The following ZBTB32 variants were observed in gnomAD, a reference collection of about 807,000 sequenced individuals.
The protein encoded by ZBTB32 is zinc finger and BTB domain-containing protein 32.
A neutral mutation model predicts 45.3 loss-of-function variants in ZBTB32; 28 were observed. That is an observed-to-expected ratio of 0.62 (90% CI 0.46 to 0.85). The LOEUF (loss-of-function observed/expected upper bound fraction) is 0.85, where lower values mean the gene tolerates loss of function less well. Among genes scored for constraint, ZBTB32 ranks in the 40% least tolerant of loss-of-function variants. ZBTB32 has a pLI of 0.00. For synonymous variants in ZBTB32, 283 were observed against 255.7 expected, an observed-to-expected ratio of 1.11 and a Z score of -1.02; for missense variants, 587 against 624.4, an observed-to-expected ratio of 0.94 and a Z score of 0.64.
chr19:35,716,056 T>C, intron 5 of ZBTB32, 49 bp downstream of exon 5: 2 of 1,611,360 alleles, frequency 1.2e-6, no homozygotes, highest in Middle Eastern at 1.7e-4. Flanking sequence ...TAGCCCTTGA[T>C]TTCCTGCCTG....
chr19:35,715,112 G>A lies in ZBTB32; in HGVS notation c.486G>A (p.Gln162=), dbSNP rs1968822738. The change falls in exon 3 of 7, where the codon CAG becomes CAA. Residue 162 remains glutamine, a synonymous_variant. Transcript: ENST00000392197. ...EQVSRTGGRE[Q]EMLHKHSPPR... ...TTTCTAGAACTGGTGGGAGAGAACA[G>A]GAGATGTTGCACAAGCACTCGCCAC... is the stretch of plus-strand genomic sequence containing the variant. 2 of 1,614,082 alleles carry A rather than the reference G, an allele frequency of 1.2e-6. No homozygotes were observed. Among genetic ancestry groups the A allele is most frequent in the Admixed American group, 1.7e-5 (1 of 60,022 alleles).
intron 1 of ZBTB32, among the ~76,000 whole-genome samples, chr19:35,705,219 G>A (rs905379589): frequency 6.6e-6 from 1 of 152,158 alleles, no homozygotes; most frequent in African/African-American, 2.4e-5. Context: ...TGAGGCAGGA[G>A]AATCGCTTGA....
In ZBTB32 at chr19:35,715,486, A is replaced by G; in HGVS notation, c.860A>G (p.Gln287Arg). The change falls in exon 3 of 7, where the codon CAG becomes CGG. Residue 287 changes from glutamine to arginine, a missense_variant. By Grantham distance (43) the Gln-to-Arg change is conservative. Coordinates refer to ENST00000392197, the MANE Select transcript of ZBTB32 (RefSeq NM_014383.3). ...YHSTPTTGAW[Q>R]EVWREQRIPL... The stretch of plus-strand genomic sequence containing the variant: ...AGCACCCCCACCACTGGAGCCTGGC[A>G]GGAGGTCTGGCGGGAACAGAGGTGA... 1 of 1,551,838 alleles carries G rather than the reference A, an allele frequency of 6.4e-7. No homozygotes were observed.
chr19:35,705,391 G>A (rs770254283), intron 1 of ZBTB32, among the ~76,000 whole-genome samples: 1 of 152,156 alleles, frequency 6.6e-6, no homozygotes, highest in Non-Finnish European at 1.5e-5. Flanking sequence ...GTGTGCACAT[G>A]AAGGTTTCCT....
intron 1 of ZBTB32, among the ~76,000 whole-genome samples, chr19:35,708,884 T>C (rs996705499): frequency 6.6e-6 from 1 of 151,790 alleles, no homozygotes; most frequent in Non-Finnish European, 1.5e-5. Context: ...AATGGCGCGA[T>C]CTCGGCTCAC....
rs923316190 is a variant in ZBTB32, at chr19:35,716,893, T to G, written c.*141T>G. 35 of 968,842 alleles carry G rather than the reference T, an allele frequency of 3.6e-5. No homozygotes were observed. In the East Asian group the frequency reaches 9.1e-4, roughly 25 times the overall value. 60.0% of individuals were successfully genotyped at this position (968,842 alleles called of 1,614,324 possible). ...GCCCCAGGAAGGGCGCCGAGTGCCC[T>G]CTCCTGGACGATCGCGGGTCGCAGA... On this transcript the variant is annotated 3_prime_UTR_variant, in exon 7 of 7. Transcript: ENST00000392197.
chr19:35,706,724 A>C (rs1968553980), intron 1 of ZBTB32, among the ~76,000 whole-genome samples: 1 of 152,056 alleles, frequency 6.6e-6, no homozygotes, highest in Non-Finnish European at 1.5e-5. Flanking sequence ...CTGTCTCAAA[A>C]ATAAATAAGT....
chr19:35,712,307 T>A (rs758368326), intron 1 of ZBTB32, among the ~76,000 whole-genome samples: 3 of 151,798 alleles, frequency 2.0e-5, no homozygotes, highest in Non-Finnish European at 2.9e-5. Context: ...TACCAAAAAT[T>A]CAAAATTAGC....
At chr19:35,711,882 G>T (rs764300424) in intron 1 of ZBTB32, among the ~76,000 whole-genome samples, 1 of 151,842 alleles carries the variant, frequency 6.6e-6, no homozygotes, top group African/African-American at 2.4e-5. Flanking sequence ...AAAATTAGCC[G>T]GGCGTGGTGG....
intron 1 of ZBTB32, among the ~76,000 whole-genome samples, chr19:35,711,822 C>T (rs551887946): frequency 1.2e-4 from 18 of 151,964 alleles, no homozygotes; most frequent in Admixed American, 9.2e-4. Context: ...ATCAGGAATT[C>T]GAGACCAGCC....
At position 35,716,363 on chromosome 19, in the gene ZBTB32, T is replaced by TG. The variant is rs1335676777; in HGVS notation, c.1189+67dup. On this transcript the variant is annotated intron_variant, in intron 6 of 6. Coordinates refer to ENST00000392197, the MANE Select transcript of ZBTB32 (RefSeq NM_014383.3). Reference sequence around the variant, plus strand: ...CCAACTCCGCTCCTGAGTCTCCACCTGTGTGCCCGGTTCCCGCGCAATCCC... The same window carrying TG: ...CCAACTCCGCTCCTGAGTCTCCACCTGGTGTGCCCGGTTCCCGCGCAATCCC... 1.9e-6 allele frequency: 3 copies of TG among 1,599,358 alleles called. No individual in the cohort carries two copies. In the African/African-American group the frequency reaches 4.0e-5, roughly 21 times the overall value.
intron 1 of ZBTB32, among the ~76,000 whole-genome samples, chr19:35,710,430 G>A (rs1968656711): frequency 6.6e-6 from 1 of 152,028 alleles, no homozygotes; most frequent in African/African-American, 2.4e-5. Flanking sequence ...CCCAGGAAGA[G>A]GAAGGGGGGG....
chr19:35,711,805 A>C (rs1003666888), intron 1 of ZBTB32, among the ~76,000 whole-genome samples: 1 of 152,006 alleles, frequency 6.6e-6, no homozygotes, highest in Admixed American at 6.6e-5. Flanking sequence ...TGGGTGGCTC[A>C]CTTGACATCA....
At position 35,705,142 on chromosome 19, in the gene ZBTB32, C is replaced by T. The variant is rs765362879; in HGVS notation, c.-222+519C>T. Among the ~76,000 whole-genome samples the T allele has an allele frequency of 5.3e-5, 8 of 152,014 alleles. No homozygotes were observed. In the East Asian group the frequency reaches 1.2e-3, roughly 22 times the overall value. On this transcript the variant is annotated intron_variant, in intron 1 of 6. Transcript: ENST00000392197. Reference sequence around the variant, plus strand: ...CCAACATGGAGAAACCCTGTCTCTACGGGGTTTCTAAAAAAAATTACCTGG... The same window carrying T: ...CCAACATGGAGAAACCCTGTCTCTATGGGGTTTCTAAAAAAAATTACCTGG...
At position 35,708,421 on chromosome 19, in the gene ZBTB32, C is replaced by T. The variant is rs76919563; in HGVS notation, c.-222+3798C>T. Reference sequence around the variant, plus strand: ...TTGACTCAGCCTATGCGAAGGGATACAGCCAGAGGAGGTCCAAATGGGACC... The same window carrying T: ...TTGACTCAGCCTATGCGAAGGGATATAGCCAGAGGAGGTCCAAATGGGACC... On this transcript the variant is annotated intron_variant, in intron 1 of 6. Transcript: ENST00000392197. Among the ~76,000 whole-genome samples, 602 of 152,234 alleles carry T rather than the reference C, an allele frequency of 4.0e-3. 32 individuals are homozygous for T. The East Asian group carries it at 0.11, about 27-fold the overall frequency.
rs1294107222 is a variant in ZBTB32 at position 35,716,141 on chromosome 19, G to A, written c.1033G>A (p.Ala345Thr). Residue 345 changes from alanine to threonine, a missense_variant, in exon 6 of 7, where the codon GCA becomes ACA. Coordinates refer to ENST00000392197, the MANE Select transcript of ZBTB32 (RefSeq NM_014383.3). ...ESDQGHTGAL[A>T]TCAGHEDKAG... ...CTTCTCTGTCCCCACAGGCGCACTT[G>A]CAACCTGTGCGGGTCATGAGGACAA... 1.2e-6 allele frequency: 2 copies of A among 1,613,734 alleles called. No individual in the cohort carries two copies. The highest frequency in any genetic ancestry group is 1.7e-6 in the Non-Finnish European group (2 of 1,179,904).
chr19:35,715,544 G>C (rs771467945), intron 3 of ZBTB32, 37 bp downstream of exon 3: 2 of 1,512,508 alleles, frequency 1.3e-6, no homozygotes, highest in African/African-American at 1.4e-5. Context: ...CTCCAGGCTG[G>C]GAGGGCATGG....
At chr19:35,712,536 G>A (rs1443865395) in intron 1 of ZBTB32, among the ~76,000 whole-genome samples, 1 of 152,296 alleles carries the variant, frequency 6.6e-6, no homozygotes, top group Non-Finnish European at 1.5e-5. Flanking sequence ...AACAGAAAAA[G>A]AAAGTTGAGC....
At chr19:35,708,750 G>A (rs1968611217) in intron 1 of ZBTB32, among the ~76,000 whole-genome samples, 1 of 152,268 alleles carries the variant, frequency 6.6e-6, no homozygotes, top group East Asian at 1.9e-4. Flanking sequence ...TCCTTGTGGT[G>A]ACTCTTTTCT....
Sources: gnomAD v4.1 joint callset for allele counts (sites outside exome capture counted in the v4.1 genomes callset) on GRCh38, gnomAD v4.1.1 for gene constraint, MANE v1.5 for transcripts, NCBI Gene and HGNC (gene_info 2026-07-23, HGNC 2026-07-21) for gene names.